Variants in PDE1A observed in about 807,000 individuals in gnomAD.
PDE1A encodes phosphodiesterase 1A.
In PDE1A, 35 loss-of-function variants were observed where a neutral mutation model predicts 61.7. The observed-to-expected ratio is 0.57, with a 90% CI of 0.43 to 0.75. The LOEUF (loss-of-function observed/expected upper bound fraction) is 0.75, where lower values mean the gene tolerates loss of function less well. PDE1A is among the 30% of genes least tolerant of loss of function. The probability of loss-of-function intolerance (pLI) is 0.00; values close to 1 mark genes in which losing one functional copy is unlikely to be tolerated. For synonymous variants in PDE1A, 232 were observed against 213.2 expected (o/e 1.09, Z -0.77); for missense variants, 597 against 630.6 (o/e 0.95, Z 0.57).
At chr2:182,228,304 C>T (rs1284309089) in intron 6 of PDE1A, among the ~76,000 whole-genome samples, 1 of 152,118 alleles carries the variant, frequency 6.6e-6, no homozygotes, top group Non-Finnish European at 1.5e-5. Context: ...TAATTGCAAT[C>T]CCTTTCAGGA....
chr2:182,505,266 G>A (rs916625788), intron 2 of PDE1A, among the ~76,000 whole-genome samples: 3 of 152,206 alleles, frequency 2.0e-5, no homozygotes, highest in Non-Finnish European at 4.4e-5. Flanking sequence ...GAGAACTTAG[G>A]AAATTAGAAC....
At chr2:182,418,012 T>C (rs144674055) in intron 1 of PDE1A, among the ~76,000 whole-genome samples, 277 of 152,292 alleles carry the variant, frequency 1.8e-3, no homozygotes, top group African/African-American at 5.9e-3. Context: ...GAAAACGTTA[T>C]CATAAATCTA....
At chr2:182,187,734 G>GT (rs1559156103) in intron 11 of PDE1A, among the ~76,000 whole-genome samples, 4 of 104,584 alleles carry the variant, frequency 3.8e-5, no homozygotes, top group Admixed American at 9.8e-5. Context: ...TTCTTTTTTT[G>GT]TTCTTTTTTT....
chr2:182,227,137 TAG>T (rs1689207241), intron 6 of PDE1A, among the ~76,000 whole-genome samples: 1 of 152,020 alleles, frequency 6.6e-6, no homozygotes, highest in Non-Finnish European at 1.5e-5. Context: ...CGGATCACAA[TAG>T]CATTCATTAC....
rs771120059 is a variant in PDE1A at position 182,201,809 on chromosome 2, A to G, written c.903-20T>C. Reference sequence around the variant, plus strand: ...AGATCCCTGCAGAGTCACCAAAAGGAGAAAGGTTCATTCAGCCATTTATTG... The same window carrying G: ...AGATCCCTGCAGAGTCACCAAAAGGGGAAAGGTTCATTCAGCCATTTATTG... On this transcript the variant is annotated intron_variant, in intron 8 of 13. Transcript: ENST00000351439. The G allele has an allele frequency of 2.0e-6, 3 of 1,478,236 alleles. No individual in the cohort carries two copies. The African/African-American group carries it at 4.2e-5, about 21-fold the overall frequency. 91.6% of individuals were successfully genotyped at this position (1,478,236 alleles called of 1,614,324 possible). A position where few individuals can be genotyped will look rare whatever the true frequency, so the allele number is the denominator to read the frequency against.
At chr2:182,163,204 T>G (rs1051765453), downstream of PDE1A, among the ~76,000 whole-genome samples, 3 of 152,182 alleles carry the variant, frequency 2.0e-5, no homozygotes, top group African/African-American at 7.2e-5. Context: ...CAATGTAGTT[T>G]CATTCTTGAA....
chr2:182,345,061 G>T (rs879494485), intron 1 of PDE1A, among the ~76,000 whole-genome samples: 1 of 152,072 alleles, frequency 6.6e-6, no homozygotes, highest in Non-Finnish European at 1.5e-5. Context: ...GCTAAAATGG[G>T]ATGACTATTT....
chr2:182,622,252 A>C, the PDE1A span, among the ~76,000 whole-genome samples: 2 of 152,168 alleles, frequency 1.3e-5, no homozygotes, highest in African/African-American at 4.8e-5. Flanking sequence ...CACACGTGAC[A>C]AGATTGTTTT....
the PDE1A span, among the ~76,000 whole-genome samples, chr2:182,606,722 A>G: frequency 6.6e-6 from 1 of 152,240 alleles, no homozygotes; most frequent in African/African-American, 2.4e-5. Flanking sequence ...CTAACTTTTC[A>G]GAGTGAAGGT....
the PDE1A span, among the ~76,000 whole-genome samples, chr2:182,667,334 T>G: frequency 6.6e-6 from 1 of 152,202 alleles, no homozygotes; most frequent in Non-Finnish European, 1.5e-5. Context: ...TGCTTTATCT[T>G]TGGCAGTTAA....
intron 1 of PDE1A, among the ~76,000 whole-genome samples, chr2:182,400,861 T>A (rs1485120614): frequency 6.6e-6 from 1 of 152,214 alleles, no homozygotes; most frequent in Non-Finnish European, 1.5e-5. Context: ...TAAAGTTTAG[T>A]AGAGAAACCA....
At chr2:182,314,421 A>T (rs924524667) in intron 1 of PDE1A, 3 of 152,244 alleles carry the variant, frequency 2.0e-5, no homozygotes, top group South Asian at 2.1e-4. Context: ...TTGTCTAAGG[A>T]GGGGTGAACT....
chr2:182,202,640 C>A (rs1279877435), intron 8 of PDE1A, among the ~76,000 whole-genome samples: 1 of 152,114 alleles, frequency 6.6e-6, no homozygotes, highest in Non-Finnish European at 1.5e-5. Flanking sequence ...ATAAGAACCC[C>A]AGAGAAACCA....
intron 13 of PDE1A, among the ~76,000 whole-genome samples, chr2:182,156,390 G>C (rs1691082671): frequency 1.3e-5 from 2 of 151,266 alleles, no homozygotes; most frequent in Admixed American, 1.3e-4. Context: ...CCATCTAAGT[G>C]ACAGAGCTGG....
At chr2:182,655,185 G>A in the PDE1A span, among the ~76,000 whole-genome samples, 6 of 152,124 alleles carry the variant, frequency 3.9e-5, no homozygotes, top group East Asian at 1.9e-4. Context: ...CTCTCCCCGG[G>A]AACAGAGGCA....
intron 1 of PDE1A, chr2:182,522,582 C>G (rs147087775): frequency 1.3e-5 from 18 of 1,373,832 alleles, no homozygotes; most frequent in South Asian, 6.8e-5. Context: ...CTCACCACCC[C>G]CCTAAGCAGA....
At chr2:182,221,465 TAAATAC>T (rs1353482743) in intron 7 of PDE1A, among the ~76,000 whole-genome samples, 3 of 152,042 alleles carry the variant, frequency 2.0e-5, no homozygotes, top group African/African-American at 7.2e-5. Context: ...CCTTTGACAT[TAAATAC>T]AAATAAAAGC....
At chr2:182,670,564 G>A in the PDE1A span, among the ~76,000 whole-genome samples, 1 of 152,196 alleles carries the variant, frequency 6.6e-6, no homozygotes, top group Non-Finnish European at 1.5e-5. Context: ...GGGGGATCTT[G>A]TTAATATTCC....
the PDE1A span, among the ~76,000 whole-genome samples, chr2:182,589,269 G>GAGGAAGGAAGGAAGGAAGGAAGGAAGGA: frequency 1.6e-5 from 2 of 121,848 alleles, no homozygotes; most frequent in African/African-American, 6.1e-5. Context: ...GGGAGGGAGG[G>GAGGAAGGAAGGAAGGAAGGAAGGAAGGA]AGGAAGGAAG....
Sources: allele counts gnomAD v4.1 joint callset (sites outside exome capture counted in the v4.1 genomes callset), GRCh38; gene constraint gnomAD v4.1.1; transcripts MANE v1.5; gene names NCBI Gene and HGNC (gene_info 2026-07-23, HGNC 2026-07-21).